The following DNM3 variants were observed in gnomAD, a reference collection of about 807,000 sequenced individuals.
DNM3 encodes the protein dynamin-3.
Under a neutral mutation model 101.6 loss-of-function variants are expected in DNM3, and 47 were observed. That is an observed-to-expected ratio of 0.46 (90% CI 0.37 to 0.59). The LOEUF (loss-of-function observed/expected upper bound fraction) is 0.59. Ranked by LOEUF, DNM3 falls within the 20% of genes least tolerant of loss-of-function variation. DNM3 has a pLI of 0.00. For missense variants in DNM3, 849 were observed against 1,085.7 expected, an observed-to-expected ratio of 0.78 and a Z score of 3.06; for synonymous variants, 385 against 387.9, an observed-to-expected ratio of 0.99 and a Z score of 0.09.
intron 17 of DNM3, among the ~76,000 whole-genome samples, chr1:172,363,091 C>CTTT: frequency 6.6e-6 from 1 of 151,768 alleles, no homozygotes; most frequent in Middle Eastern, 3.4e-3. Context: ...ATTTATTCTT[C>CTTT]CATTCTGAAA....
In DNM3 at chr1:172,300,014, G is replaced by A. The variant is rs189821994; in HGVS notation, c.1770-8714G>A. 3.0e-4 allele frequency among the ~76,000 whole-genome samples: 46 copies of A among 152,278 alleles called. 1 individual carries two copies. Among genetic ancestry groups the A allele is most frequent in the Admixed American group, 2.6e-3 (40 of 15,302 alleles). On this transcript the variant is annotated intron_variant, in intron 15 of 20. Coordinates refer to ENST00000627582, the MANE Select transcript of DNM3 (RefSeq NM_015569.5). ...TTACATTCCTACCAACATCACATAA[G>A]TGTTCACCTTTCTCCTCAGCCTCAC...
intron 14 of DNM3, among the ~76,000 whole-genome samples, chr1:172,244,096 A>G (rs918153589): frequency 2.0e-5 from 3 of 151,916 alleles, no homozygotes; most frequent in African/African-American, 7.2e-5. Flanking sequence ...ATTCCCACCT[A>G]TGAGTGAGAA....
At chr1:172,416,231 G>T (rs373072418), downstream of DNM3, among the ~76,000 whole-genome samples, 1 of 152,116 alleles carries the variant, frequency 6.6e-6, no homozygotes, top group Non-Finnish European at 1.5e-5. Context: ...ATTGTATGAG[G>T]TACCTTTGTA....
In DNM3 at chr1:172,412,671, G is replaced by A. The variant is rs578166389; in HGVS notation, c.*4830G>A. On this transcript the variant is annotated 3_prime_UTR_variant, in exon 21 of 21. Coordinates refer to ENST00000627582, the MANE Select transcript of DNM3 (RefSeq NM_015569.5). ...GGTCACATGTACCTATTGTGAAAAT[G>A]TGAAGCTGTATTTCTGAAGCTGAAA... 8 of 985,716 alleles carry A rather than the reference G, an allele frequency of 8.1e-6. No homozygotes were observed. Among genetic ancestry groups the A allele is most frequent in the Admixed American group, 1.2e-4 (2 of 16,274 alleles). 61.1% of individuals were successfully genotyped at this position (985,716 alleles called of 1,614,324 possible). A position where few individuals can be genotyped will look rare whatever the true frequency, so the allele number is the denominator to read the frequency against.
intron 1 of DNM3, among the ~76,000 whole-genome samples, chr1:171,865,611 C>T (rs1383424948): frequency 6.6e-6 from 1 of 151,204 alleles, no homozygotes; most frequent in Non-Finnish European, 1.5e-5. Context: ...GAAAAATTCC[C>T]AAACCTAAAT....
intron 14 of DNM3, among the ~76,000 whole-genome samples, chr1:172,237,644 G>A (rs546599045): frequency 6.7e-4 from 102 of 152,156 alleles, no homozygotes; most frequent in Non-Finnish European, 1.4e-3. Context: ...GACACAAATT[G>A]TTTTACTCAC....
chr1:171,975,293 C>A (rs2044293265), intron 2 of DNM3, among the ~76,000 whole-genome samples: 1 of 152,124 alleles, frequency 6.6e-6, no homozygotes, highest in Non-Finnish European at 1.5e-5. Context: ...TTTATATAAC[C>A]AATTGTCATA....
chr1:172,299,892 A>G (rs145041261), intron 15 of DNM3, among the ~76,000 whole-genome samples: 2 of 152,330 alleles, frequency 1.3e-5, no homozygotes, highest in African/African-American at 2.4e-5. Context: ...TCCTTTGGGT[A>G]TACATACCCA....
Position 171,845,015 on chromosome 1 carries a change from C to T in DNM3, c.161+3198C>T, listed in dbSNP as rs141964347. Reference sequence around the variant, plus strand: ...ATACAACCCCAAAGAGGTAGGTACTCTTATGATTTCCATTTTACAGAAGAG... The same window carrying T: ...ATACAACCCCAAAGAGGTAGGTACTTTTATGATTTCCATTTTACAGAAGAG... On this transcript the variant is annotated intron_variant, in intron 1 of 20. Coordinates refer to ENST00000627582, the MANE Select transcript of DNM3 (RefSeq NM_015569.5). Among the ~76,000 whole-genome samples, 170 of 152,168 alleles carry T rather than the reference C, an allele frequency of 1.1e-3. 1 individual carries two copies. Among genetic ancestry groups the T allele is most frequent in the African/African-American group, 4.0e-3 (166 of 41,510 alleles).
At chr1:171,921,708 A>G in intron 1 of DNM3, 40 bp from the exon 2 acceptor site, 7 of 1,492,362 alleles carry the variant, frequency 4.7e-6, no homozygotes, top group Non-Finnish European at 5.5e-6. Flanking sequence ...GGTGATAAGA[A>G]TTCCTTCATG....
At chr1:172,321,653 T>A (rs1159205690) in intron 16 of DNM3, among the ~76,000 whole-genome samples, 1 of 152,160 alleles carries the variant, frequency 6.6e-6, no homozygotes, top group Non-Finnish European at 1.5e-5. Flanking sequence ...TTGTTGCCAC[T>A]ACAAACAGAA....
rs1339780765 is a variant in DNM3, at chr1:172,388,696, T to G, written c.2409T>G (p.Pro803=). The G allele has an allele frequency of 1.9e-6, 3 of 1,613,718 alleles. No individual in the cohort carries two copies. In the African/African-American group the frequency reaches 4.0e-5, roughly 22 times the overall value. ...IPSPGPHSGA[P]PVPFRPGPLP... ...CTCCTGGCCCCCACTCTGGGGCTCC[T>G]CCAGTCCCATTCCGTCCAGGCCCAT... The change falls in exon 20 of 21, where the codon CCT becomes CCG. Residue 803 remains proline, a synonymous_variant. Transcript: ENST00000627582.
rs2148465595 is a variant in DNM3 at position 172,196,565 on chromosome 1, A to G, written c.1660-57008A>G. Among the ~76,000 whole-genome samples the G allele has an allele frequency of 2.0e-5, 3 of 152,128 alleles. No homozygotes were observed. The Middle Eastern group carries it at 0.01, about 517-fold the overall frequency. On this transcript the variant is annotated intron_variant, in intron 14 of 20. Transcript: ENST00000627582. ...CCCTTTTCTCCACAACCTTGCCAGC[A>G]TCTATTATTTTTGACTTTTTAATAA... is the stretch of plus-strand genomic sequence containing the variant.
At chr1:172,070,746 A>G (rs969715618) in intron 11 of DNM3, among the ~76,000 whole-genome samples, 2 of 151,994 alleles carry the variant, frequency 1.3e-5, no homozygotes, top group Non-Finnish European at 2.9e-5. Flanking sequence ...AAGTGAGACA[A>G]TAGTGGTAGT....
At chr1:171,995,914 T>C (rs1490776105) in intron 4 of DNM3, among the ~76,000 whole-genome samples, 3 of 152,152 alleles carry the variant, frequency 2.0e-5, no homozygotes, top group African/African-American at 7.2e-5. Context: ...TTGTACTAAA[T>C]TAAATCTTTT....
chr1:172,221,680 G>A (rs2060911142), intron 14 of DNM3, among the ~76,000 whole-genome samples: 1 of 151,938 alleles, frequency 6.6e-6, no homozygotes, highest in Admixed American at 6.6e-5. Flanking sequence ...TTCACTGTGT[G>A]GTCATCTCGT....
intron 13 of DNM3, among the ~76,000 whole-genome samples, chr1:172,124,332 C>G (rs2056498326): frequency 6.6e-6 from 1 of 152,186 alleles, no homozygotes; most frequent in African/African-American, 2.4e-5. Context: ...TATGTGCATA[C>G]TCTTGGAGAA....
intron 14 of DNM3, among the ~76,000 whole-genome samples, chr1:172,232,888 A>G (rs1452430147): frequency 6.6e-6 from 1 of 152,238 alleles, no homozygotes; most frequent in African/African-American, 2.4e-5. Flanking sequence ...CATTTAAAGC[A>G]GTGTGTAGAG....
chr1:171,943,147 G>GA (rs1183840407), intron 2 of DNM3, among the ~76,000 whole-genome samples: 1 of 151,920 alleles, frequency 6.6e-6, no homozygotes, highest in Non-Finnish European at 1.5e-5. Flanking sequence ...AAAAGAAAAA[G>GA]AAAAAGCCTG....
Sources: gnomAD v4.1 joint callset for allele counts (sites outside exome capture counted in the v4.1 genomes callset) on GRCh38, gnomAD v4.1.1 for gene constraint, MANE v1.5 for transcripts, NCBI Gene and HGNC (gene_info 2026-07-23, HGNC 2026-07-21) for gene names.